The following NFXL1 variants were observed in gnomAD, a reference collection of about 807,000 sequenced individuals.
NFXL1 encodes NF-X1-type zinc finger protein NFXL1.
A neutral mutation model predicts 123.3 loss-of-function variants in NFXL1; 66 were observed. That is an observed-to-expected ratio of 0.54 (90% CI 0.44 to 0.66). NFXL1 has a LOEUF of 0.66. NFXL1 is among the 30% of genes least tolerant of loss of function. NFXL1 has a pLI of 0.00. For synonymous variants in NFXL1, 346 were observed against 360.8 expected, an observed-to-expected ratio of 0.96 and a Z score of 0.46; for missense variants, 944 against 1,125.6, an observed-to-expected ratio of 0.84 and a Z score of 2.31.
intron 9 of NFXL1, among the ~76,000 whole-genome samples, chr4:47,896,979 A>G (rs1456551195): frequency 6.6e-6 from 1 of 152,224 alleles, no homozygotes; most frequent in Non-Finnish European, 1.5e-5. Context: ...TTGTTTTAAA[A>G]AACTTGCTCT....
At chr4:47,867,675 G>T (rs1176392247) in intron 18 of NFXL1, among the ~76,000 whole-genome samples, 1 of 151,794 alleles carries the variant, frequency 6.6e-6, no homozygotes, top group East Asian at 1.9e-4. Context: ...GAAGGAGAAA[G>T]AAACAACTTT....
chr4:47,885,912 G>C lies in NFXL1; in HGVS notation c.1631C>G (p.Thr544Ser), dbSNP rs929703989. ...KVTVPCGRER[T>S]TRPPKCKEQC... Reference sequence around the variant, plus strand: ...CTCCTTGCACTTGGGTGGTCTTGTGGTACGTTCTCGGCCACAGGGCACTGT... The same window carrying C: ...CTCCTTGCACTTGGGTGGTCTTGTGCTACGTTCTCGGCCACAGGGCACTGT... Residue 544 changes from threonine to serine, a missense_variant, in exon 13 of 23, where the codon ACC becomes AGC. Around this residue, in one of 4 missense-constraint regions of NFXL1, gnomAD observed 296 missense variants for 395.1 expected, o/e 0.75. Coordinates refer to ENST00000507489, the MANE Select transcript of NFXL1 (RefSeq NM_001278624.2). 1 of 1,613,864 alleles carries C rather than the reference G, an allele frequency of 6.2e-7. No homozygotes were observed. Among genetic ancestry groups the C allele is most frequent in the South Asian group, 1.1e-5 (1 of 91,070 alleles).
At chr4:47,913,893 G>C (rs770942404) in intron 2 of NFXL1, 76 bp downstream of exon 2, 1 of 963,100 alleles carries the variant, frequency 1.0e-6, no homozygotes, top group Non-Finnish European at 1.5e-6. Context: ...GAAAGAAGGC[G>C]AGGGCGGAGG....
chr4:47,901,091 G>T (rs1444914316), intron 5 of NFXL1, among the ~76,000 whole-genome samples: 1 of 152,122 alleles, frequency 6.6e-6, no homozygotes, highest in Non-Finnish European at 1.5e-5. Context: ...ATGTGCAAAC[G>T]CATGAGTTTT....
In NFXL1 at chr4:47,896,646, C is replaced by T. The variant is rs1278376817; in HGVS notation, c.1206G>A (p.Lys402=). The change falls in exon 10 of 23, where the codon AAG becomes AAA. Residue 402 remains lysine, a splice_region_variant and synonymous_variant. Transcript: ENST00000507489. ...GKRFCPCQKS[K]FSLPCTEDVP... The stretch of plus-strand genomic sequence containing the variant: ...CATCTTCTGTACAAGGCAAAGAAAA[C>T]TCTAAAAACATACAAAAAGTCAATG... 1 of 1,603,428 alleles carries T rather than the reference C, an allele frequency of 6.2e-7. No homozygotes were observed. The highest frequency in any genetic ancestry group is 8.5e-7 in the Non-Finnish European group (1 of 1,171,590).
At chr4:47,885,358 G>A in intron 14 of NFXL1, 140 bp downstream of exon 14, 7 of 637,432 alleles carry the variant, frequency 1.1e-5, no homozygotes, top group Non-Finnish European at 1.6e-5. Context: ...ACAAAATCAA[G>A]TCTTGATTAC....
intron 15 of NFXL1, 97 bp from the exon 16 acceptor site, chr4:47,879,214 A>C (rs1735936332): frequency 2.0e-6 from 1 of 494,366 alleles, no homozygotes; most frequent in Non-Finnish European, 3.5e-6. Context: ...AAATAAATAC[A>C]TATGGAATAA....
At chr4:47,879,940 T>C (rs1278560662) in intron 15 of NFXL1, among the ~76,000 whole-genome samples, 1 of 152,180 alleles carries the variant, frequency 6.6e-6, no homozygotes, top group African/African-American at 2.4e-5. Context: ...ATCACAGCTC[T>C]AAATGTAAAA....
In NFXL1 at chr4:47,899,561, A is replaced by C; in HGVS notation, c.648-13T>G. 6.4e-7 allele frequency: 1 copy of C among 1,570,726 alleles called. No individual in the cohort carries two copies. The highest frequency in any genetic ancestry group is 2.2e-5 in the East Asian group (1 of 44,576). ...CCTACATTTTGGACTACAAAGAAGA[A>C]GAAAATTATTAAAGCTAACTTCACC... On this transcript the variant is annotated splice_polypyrimidine_tract_variant and intron_variant, in intron 5 of 22. Coordinates refer to ENST00000507489, the MANE Select transcript of NFXL1 (RefSeq NM_001278624.2).
chr4:47,894,306 G>A lies in NFXL1; in HGVS notation c.1330-4C>T. On this transcript the variant is annotated splice_region_variant and splice_polypyrimidine_tract_variant and intron_variant, in intron 10 of 22. Transcript: ENST00000507489. Reference sequence around the variant, plus strand: ...AGCGACAATGCTTTTCCACTTCCTGGAAGAATAAAAGAAATGCTATTAAAA... The same window carrying A: ...AGCGACAATGCTTTTCCACTTCCTGAAAGAATAAAAGAAATGCTATTAAAA... 1 of 1,567,562 alleles carries A rather than the reference G, an allele frequency of 6.4e-7. No homozygotes were observed.
At chr4:47,873,706 T>C (rs549661103) in intron 18 of NFXL1, among the ~76,000 whole-genome samples, 1 of 152,358 alleles carries the variant, frequency 6.6e-6, no homozygotes, top group Admixed American at 6.5e-5. Flanking sequence ...AAATGAGTAC[T>C]GGCTTCAATT....
At chr4:47,862,031 C>G (rs1438519165) in intron 19 of NFXL1, among the ~76,000 whole-genome samples, 1 of 152,144 alleles carries the variant, frequency 6.6e-6, no homozygotes, top group Non-Finnish European at 1.5e-5. Flanking sequence ...CAAAAGGATT[C>G]CTTTTTAAAT....
intron 19 of NFXL1, among the ~76,000 whole-genome samples, chr4:47,858,230 G>A (rs1369685015): frequency 1.3e-5 from 2 of 152,166 alleles, no homozygotes; most frequent in African/African-American, 4.8e-5. Context: ...AATGTTGGCA[G>A]GGATGCGAAA....
intron 5 of NFXL1, 103 bp downstream of exon 5, chr4:47,903,090 G>C (rs1442952115): frequency 3.2e-6 from 2 of 619,750 alleles, no homozygotes; most frequent in Non-Finnish European, 5.2e-6. Context: ...AGGAGGTGGA[G>C]GTTGCAGTGA....
chr4:47,856,186 G>A (rs965166208), intron 19 of NFXL1, among the ~76,000 whole-genome samples: 1 of 152,068 alleles, frequency 6.6e-6, no homozygotes, highest in Admixed American at 6.6e-5. Flanking sequence ...CTAACTACAG[G>A]ATCTTAGACA....
intron 4 of NFXL1, among the ~76,000 whole-genome samples, chr4:47,904,907 C>CAAACCCAAT (rs59009335): frequency 0.73 from 110,920 of 151,274 alleles, 40,871 homozygotes; most frequent in South Asian, 0.76. Context: ...TATCTTTTTC[C>CAAACCCAAT]AAAAGTAATA....
At chr4:47,851,234 T>A (rs1455285830) in intron 21 of NFXL1, 86 bp from the exon 22 acceptor site, 4 of 918,888 alleles carry the variant, frequency 4.4e-6, no homozygotes, top group Non-Finnish European at 7.0e-6. Flanking sequence ...CAGGTTCTAT[T>A]AACCCATATC....
At chr4:47,859,853 AAAAAAAAAAAAAAAAAAC>A (rs1271691388) in intron 19 of NFXL1, among the ~76,000 whole-genome samples, 1 of 138,654 alleles carries the variant, frequency 7.2e-6, no homozygotes, top group South Asian at 2.3e-4. Flanking sequence ...AAAAAAAAAA[AAAAAAAAAAAAAAAAAAC>A]AAACAAACAA....
chr4:47,863,767 G>A (rs1224199000), intron 18 of NFXL1, among the ~76,000 whole-genome samples: 3 of 152,134 alleles, frequency 2.0e-5, no homozygotes, highest in Admixed American at 6.5e-5. Context: ...ATATCTCAGT[G>A]AGTAATTCAG....
Sources: allele counts gnomAD v4.1 joint callset (sites outside exome capture counted in the v4.1 genomes callset), GRCh38; gene constraint gnomAD v4.1.1; regional missense constraint gnomAD v4.1.1; transcripts MANE v1.5; gene names NCBI Gene and HGNC (gene_info 2026-07-23, HGNC 2026-07-21).